FRAS1: variants seen among roughly 807,000 people sequenced by gnomAD.
FRAS1 encodes Fraser extracellular matrix complex subunit 1, also known as extracellular matrix organizing protein FRAS1.
A neutral mutation model predicts 435.2 loss-of-function variants in FRAS1; 290 were observed. The ratio of observed to expected loss-of-function variants is 0.67; its 90% CI spans 0.61 to 0.73. The LOEUF (loss-of-function observed/expected upper bound fraction) is 0.73, where lower values mean the gene tolerates loss of function less well. Ranked by LOEUF, FRAS1 falls within the 30% of genes least tolerant of loss-of-function variation. The pLI, the probability that FRAS1 is intolerant of heterozygous loss-of-function variation, is 0.00. For missense variants in FRAS1, 4,860 were observed against 5,001.5 expected, an observed-to-expected ratio of 0.97 and a Z score of 0.85; for synonymous variants, 1,800 against 1,851.0, an observed-to-expected ratio of 0.97 and a Z score of 0.71.
intron 38 of FRAS1, 52 bp downstream of exon 38, chr4:78,432,656 G>T: frequency 6.7e-7 from 1 of 1,499,588 alleles, no homozygotes; most frequent in Non-Finnish European, 8.9e-7. Flanking sequence ...TCTTCTGATG[G>T]GGCAGACTGG....
At chr4:78,197,374 T>C (rs1328050468) in intron 2 of FRAS1, among the ~76,000 whole-genome samples, 1 of 152,226 alleles carries the variant, frequency 6.6e-6, no homozygotes, top group East Asian at 1.9e-4. Context: ...AGTTTATTCA[T>C]GTAAATGACT....
intron 35 of FRAS1, among the ~76,000 whole-genome samples, chr4:78,425,081 T>C (rs1733945051): frequency 1.3e-5 from 2 of 148,392 alleles, no homozygotes; most frequent in Admixed American, 6.8e-5. Flanking sequence ...TGTGCCTGAA[T>C]GCCTCATTCT....
chr4:78,080,944 C>T (rs1310053029), intron 2 of FRAS1, among the ~76,000 whole-genome samples: 3 of 152,184 alleles, frequency 2.0e-5, no homozygotes, highest in Admixed American at 6.6e-5. Context: ...AATCTGTCCT[C>T]TTTCCTGTGC....
intron 2 of FRAS1, among the ~76,000 whole-genome samples, chr4:78,122,846 G>A (rs1346957713): frequency 9.2e-5 from 14 of 151,654 alleles, no homozygotes; most frequent in Non-Finnish European, 1.5e-5. Flanking sequence ...TTGTAAATTT[G>A]TTTAAGTTCT....
chr4:78,277,030 C>A (rs142975104), intron 9 of FRAS1, among the ~76,000 whole-genome samples: 4,033 of 152,284 alleles, frequency 0.026, 187 homozygotes, highest in African/African-American at 0.09. Flanking sequence ...ACCCCTCCCC[C>A]AGCCTCACTG....
chr4:78,516,004 T>C lies in FRAS1; in HGVS notation c.10380T>C (p.Ala3460=), dbSNP rs1205688769. Residue 3460 remains alanine (A), a synonymous_variant, in exon 66 of 74, where the codon GCT becomes GCC. Transcript: ENST00000512123. ...ACGTCTGTGGGGGCTCTGTAACCGCTGACTTCCAGGTAGGTGCCCCGGGGC... is the reference window on the plus strand; with the variant it reads ...ACGTCTGTGGGGGCTCTGTAACCGCCGACTTCCAGGTAGGTGCCCCGGGGC... ...LIDVCGGSVT[A]DFQVRDSAQS... 1.2e-6 allele frequency: 2 copies of C among 1,612,766 alleles called. No individual in the cohort carries two copies. The highest frequency in any genetic ancestry group is 1.7e-6 in the Non-Finnish European group (2 of 1,179,202).
At chr4:78,146,849 G>GT (rs539672192) in intron 2 of FRAS1, among the ~76,000 whole-genome samples, 20 of 151,490 alleles carry the variant, frequency 1.3e-4, no homozygotes, top group Non-Finnish European at 1.8e-4. Context: ...TCACTTTTAG[G>GT]TTTTTTTTGT....
intron 65 of FRAS1, among the ~76,000 whole-genome samples, chr4:78,515,383 A>G (rs1445754250): frequency 6.6e-6 from 1 of 151,768 alleles, no homozygotes; most frequent in Non-Finnish European, 1.5e-5. Flanking sequence ...CACTCTTAAA[A>G]TAATAATTCA....
intron 14 of FRAS1, among the ~76,000 whole-genome samples, chr4:78,305,797 GGGTCCT>G (rs1560641281): frequency 6.6e-6 from 1 of 151,730 alleles, no homozygotes; most frequent in African/African-American, 2.4e-5. Flanking sequence ...GCACACTGAT[GGGTCCT>G]GACTCTTTAT....
chr4:78,308,319 T>C, intron 15 of FRAS1, 110 bp downstream of exon 15: 1 of 1,071,960 alleles, frequency 9.3e-7, no homozygotes, highest in Non-Finnish European at 1.3e-6. Context: ...TCAACATATA[T>C]GTGAATAGCT....
At chr4:78,301,859 T>TG (rs911176356) in intron 14 of FRAS1, among the ~76,000 whole-genome samples, 2 of 148,302 alleles carry the variant, frequency 1.3e-5, no homozygotes, top group African/African-American at 2.6e-5. Context: ...TTTTTTTTTT[T>TG]TTTTTTTTTT....
At chr4:78,122,234 T>C (rs1001799208) in intron 2 of FRAS1, among the ~76,000 whole-genome samples, 1 of 152,178 alleles carries the variant, frequency 6.6e-6, no homozygotes, top group African/African-American at 2.4e-5. Context: ...GTGTTTGGTT[T>C]TCTGATCTTG....
intron 2 of FRAS1, among the ~76,000 whole-genome samples, chr4:78,182,830 A>G (rs923485112): frequency 6.6e-6 from 1 of 150,824 alleles, no homozygotes; most frequent in Non-Finnish European, 1.5e-5. Context: ...CAGTGAGCCA[A>G]GATCGTGCCA....
intron 2 of FRAS1, among the ~76,000 whole-genome samples, chr4:78,178,959 G>A (rs999738917): frequency 1.3e-5 from 2 of 152,162 alleles, no homozygotes; most frequent in African/African-American, 4.8e-5. Context: ...ACAGATGTTC[G>A]AGGGGAGCGA....
chr4:78,322,924 G>T (rs1729565784), intron 18 of FRAS1, among the ~76,000 whole-genome samples: 1 of 152,166 alleles, frequency 6.6e-6, no homozygotes, highest in Non-Finnish European at 1.5e-5. Context: ...GAGAGAAATA[G>T]ATAATAAATA....
chr4:78,190,960 A>T (rs1479850321), intron 2 of FRAS1, among the ~76,000 whole-genome samples: 10 of 152,180 alleles, frequency 6.6e-5, no homozygotes, highest in Non-Finnish European at 1.3e-4. Flanking sequence ...GATCCCATAG[A>T]CTTAGTGTGA....
At chr4:78,134,660 G>A (rs899896933) in intron 2 of FRAS1, among the ~76,000 whole-genome samples, 4 of 152,252 alleles carry the variant, frequency 2.6e-5, no homozygotes, top group East Asian at 1.9e-4. Context: ...TGGATTTAAA[G>A]CTTCCAGTAA....
At chr4:78,289,960 A>G (rs778036996) in intron 14 of FRAS1, among the ~76,000 whole-genome samples, 2 of 152,196 alleles carry the variant, frequency 1.3e-5, no homozygotes, top group African/African-American at 2.4e-5. Flanking sequence ...CTCAGGTATT[A>G]AATCTAAACT....
At chr4:78,245,087 C>T in intron 3 of FRAS1, 146 bp from the exon 4 acceptor site, 4 of 629,974 alleles carry the variant, frequency 6.3e-6, no homozygotes, top group Admixed American at 5.4e-5. Flanking sequence ...ACCTTTTTTT[C>T]AGTCTATTCA....
Sources: allele counts gnomAD v4.1 joint callset (sites outside exome capture counted in the v4.1 genomes callset), GRCh38; gene constraint gnomAD v4.1.1; transcripts MANE v1.5; gene names NCBI Gene and HGNC (gene_info 2026-07-23, HGNC 2026-07-21).